The following ABCC10 variants were observed in gnomAD, a reference collection of about 807,000 sequenced individuals.
ABCC10 encodes ATP binding cassette subfamily C member 10.
A neutral mutation model predicts 143.2 loss-of-function variants in ABCC10; 110 were observed. The observed-to-expected ratio is 0.77, with a 90% CI of 0.66 to 0.90. The LOEUF (loss-of-function observed/expected upper bound fraction) is 0.90. Ranked by LOEUF, ABCC10 falls within the 40% of genes least tolerant of loss-of-function variation. ABCC10 has a pLI of 0.00. For missense variants in ABCC10, 1,700 were observed against 1,900.5 expected, an observed-to-expected ratio of 0.89 and a Z score of 1.96; for synonymous variants, 805 against 846.7, an observed-to-expected ratio of 0.95 and a Z score of 0.85.
chr6:43,437,784 A>G, intron 6 of ABCC10, 150 bp from the exon 7 acceptor site: 1 of 715,178 alleles, frequency 1.4e-6, no homozygotes. Flanking sequence ...TCAGCCTGTG[A>G]AGCGGAGAAT....
intron 2 of ABCC10, chr6:43,431,921 G>A (rs1781179167): frequency 7.2e-7 from 1 of 1,386,782 alleles, no homozygotes; most frequent in Non-Finnish European, 9.3e-7. Context: ...TTAGGTTCAG[G>A]TGGCCGGTTA....
Position 43,445,715 on chromosome 6 carries a change from C to T in ABCC10, c.3147C>T (p.Asn1049=), listed in dbSNP as rs375120841. ...TCATCCTCAACATCCTCCTGGCCAA[C>T]GCGGCAGGCCTGCTGGGGCTCCTGG... ...LPFILNILLA[N]AAGLLGLLAV... The change falls in exon 15 of 22, where the codon AAC becomes AAT. Residue 1049 remains asparagine (N), a synonymous_variant. Coordinates refer to ENST00000372530, the MANE Select transcript of ABCC10 (RefSeq NM_001198934.2). 3.9e-5 allele frequency: 63 copies of T among 1,614,228 alleles called. No individual in the cohort carries two copies. Among genetic ancestry groups the T allele is most frequent in the Middle Eastern group, 1.6e-4 (1 of 6,062 alleles).
chr6:43,447,548 G>A, intron 17 of ABCC10, 136 bp from the exon 18 acceptor site: 1 of 1,552,840 alleles, frequency 6.4e-7, no homozygotes. Flanking sequence ...TCTTCACCAT[G>A]TCCCTTCTTC....
In ABCC10 at chr6:43,443,405, G is replaced by T. The variant is rs1782692644; in HGVS notation, c.2416+246G>T. On this transcript the variant is annotated intron_variant, in intron 10 of 21. Transcript: ENST00000372530. This position sits in a 1 kb window ranked among gnomAD's most constrained non-coding sequence, Gnocchi z 4.2. ...TGCTCTTGGGAACTTAAAGGCCCAG[G>T]GTCTCTGAGAACATTCTCATATCTT... is the stretch of plus-strand genomic sequence containing the variant. The T allele has an allele frequency of 6.9e-6, 3 of 437,560 alleles. No individual in the cohort carries two copies. Among genetic ancestry groups the T allele is most frequent in the African/African-American group, 6.0e-5 (3 of 49,826 alleles). The allele number at this position is 437,560 out of a possible 1,614,324, so 27.1% of individuals were successfully genotyped here. A position where few individuals can be genotyped will look rare whatever the true frequency, so the allele number is the denominator to read the frequency against.
intron 16 of ABCC10, 90 bp downstream of exon 16, chr6:43,446,536 T>G: frequency 1.4e-6 from 2 of 1,474,346 alleles, no homozygotes; most frequent in Non-Finnish European, 1.8e-6. Flanking sequence ...CCCAACATTT[T>G]CACCTCCCAC....
chr6:43,439,251 C>T (rs976479192), intron 8 of ABCC10, among the ~76,000 whole-genome samples: 5 of 152,134 alleles, frequency 3.3e-5, no homozygotes, highest in African/African-American at 1.2e-4. Flanking sequence ...CCCTTGACTT[C>T]CCACCCAACC....
At chr6:43,432,030 C>A (rs141438097) in intron 2 of ABCC10, 112 bp from the exon 3 acceptor site, 664 of 1,495,526 alleles carry the variant, frequency 4.4e-4, no homozygotes, top group Non-Finnish European at 5.6e-4. Context: ...ATAAGATGTG[C>A]AAGGCAGGAA....
rs375815974 is a variant in ABCC10 at position 43,449,087 on chromosome 6, C to T, written c.4106-20C>T. 6.2e-6 allele frequency: 10 copies of T among 1,613,846 alleles called. No individual in the cohort carries two copies. Among genetic ancestry groups the T allele is most frequent in the African/African-American group, 5.3e-5 (4 of 74,928 alleles). ...AGCAGGGATGGCCTGGGCCCTGCAA[C>T]GAAGATGCTTTCCTTGCAGGTGGTC... On this transcript the variant is annotated intron_variant, in intron 19 of 21. Transcript: ENST00000372530.
chr6:43,450,344 G>C lies in ABCC10; in HGVS notation c.*253G>C. The stretch of plus-strand genomic sequence containing the variant: ...CGCCAGGTGGGTTTTTCTGGCATAG[G>C]AGCCCACTTGCATTTTCATAGTTTT... On this transcript the variant is annotated 3_prime_UTR_variant, in exon 22 of 22. Transcript: ENST00000372530. This position sits in a 1 kb window ranked among gnomAD's most constrained non-coding sequence, Gnocchi z 4.5. 1 of 903,218 alleles carries C rather than the reference G, an allele frequency of 1.1e-6. No homozygotes were observed. The allele number at this position is 903,218 out of a possible 1,614,324, so 56.0% of individuals were successfully genotyped here.
intron 21 of ABCC10, 80 bp from the exon 22 acceptor site, chr6:43,449,849 G>C: frequency 6.6e-7 from 1 of 1,513,416 alleles, no homozygotes; most frequent in Non-Finnish European, 9.0e-7. Context: ...GTCCCGAGGG[G>C]AGAGGAGGGA....
Position 43,445,630 on chromosome 6 carries a change from C to T in ABCC10, c.3062C>T (p.Thr1021Met), listed in dbSNP as rs200029525. The change falls in exon 15 of 22, where the codon ACG becomes ATG. Residue 1021 changes from threonine to methionine, a missense_variant. Physicochemically the swap from Thr to Met is moderately conservative, Grantham distance 81. Coordinates refer to ENST00000372530, the MANE Select transcript of ABCC10 (RefSeq NM_001198934.2). ...APVTFFNATP[T>M]GRILNRFSSD... ...GTGACTTTCTTCAATGCCACACCCA[C>T]GGGCCGGATCCTAAACCGCTTCTCC... is the stretch of plus-strand genomic sequence containing the variant. 3.0e-4 allele frequency: 484 copies of T among 1,613,200 alleles called. No homozygotes were observed. Among genetic ancestry groups the T allele is most frequent in the African/African-American group, 5.3e-5 (4 of 75,014 alleles).
At position 43,433,296 on chromosome 6, in the gene ABCC10, T is replaced by C; in HGVS notation, c.1316T>C (p.Val439Ala). The change falls in exon 3 of 22, where the codon GTG (valine) becomes GCG (alanine). Residue 439 changes from valine (V) to alanine (A), a missense_variant. By Grantham distance (64) the Val-to-Ala change is moderately conservative. Transcript: ENST00000372530. ...LALLLVPVNK[V>A]IATRIMASNQ... Reference sequence around the variant, plus strand: ...CTGCTGCTGGTACCCGTCAACAAAGTGATTGCCACCCGCATCATGGCCAGC... The same window carrying C: ...CTGCTGCTGGTACCCGTCAACAAAGCGATTGCCACCCGCATCATGGCCAGC... 1 of 1,614,010 alleles carries C rather than the reference T, an allele frequency of 6.2e-7. No homozygotes were observed. Among genetic ancestry groups the C allele is most frequent in the African/African-American group, 1.3e-5 (1 of 74,990 alleles).
At position 43,449,822 on chromosome 6, in the gene ABCC10, G is replaced by A; in HGVS notation, c.4317-107G>A. On this transcript the variant is annotated intron_variant, in intron 21 of 21. Transcript: ENST00000372530. ...CACCAAGCCAGGGGCTAAAGCCTGT[G>A]GGGACAGACCTGTGGTGTCCCGAGG... 7 of 1,332,712 alleles carry A rather than the reference G, an allele frequency of 5.3e-6. No individual in the cohort carries two copies. In the African/African-American group the frequency reaches 7.3e-5, roughly 14 times the overall value. 82.6% of individuals were successfully genotyped at this position (1,332,712 alleles called of 1,614,324 possible).
downstream of ABCC10, chr6:43,450,973 T>G (rs768111305): frequency 4.6e-5 from 74 of 1,614,060 alleles, no homozygotes; most frequent in Non-Finnish European, 9.3e-6. The surrounding 1 kb of genome is among the most constrained non-coding windows in gnomAD (Gnocchi z 4.5). Flanking sequence ...CCATAGCCAC[T>G]GGGGCAGAGG....
At position 43,444,864 on chromosome 6, in the gene ABCC10, G is replaced by T. The variant is rs768319377; in HGVS notation, c.2766G>T (p.Ala922=). ...QLKAENSSQE[A]QPSTSPASMG... Reference sequence around the variant, plus strand: ...AGGCTGAGAATAGCTCCCAGGAGGCGCAACCCTCCACCAGCCCAGCTTCTA... The same window carrying T: ...AGGCTGAGAATAGCTCCCAGGAGGCTCAACCCTCCACCAGCCCAGCTTCTA... The change falls in exon 13 of 22, where the codon GCG becomes GCT. Residue 922 remains alanine, a synonymous_variant. Transcript: ENST00000372530. The T allele has an allele frequency of 2.5e-6, 4 of 1,613,944 alleles. No individual in the cohort carries two copies. Among genetic ancestry groups the T allele is most frequent in the Non-Finnish European group, 3.4e-6 (4 of 1,179,906 alleles).
rs1177840085 is a variant in ABCC10 at position 43,428,008 on chromosome 6, C to T, written c.30C>T (p.Gly10=). 1.9e-6 allele frequency: 3 copies of T among 1,610,680 alleles called. No individual in the cohort carries two copies. The highest frequency in any genetic ancestry group is 2.5e-6 in the Non-Finnish European group (3 of 1,179,118). Residue 10 remains glycine, a synonymous_variant, in exon 2 of 22, where the codon GGC becomes GGT. Transcript: ENST00000372530. ...AACGACTTCTGGCCCAGCTGTGCGGCAGCAGCGCAGCGTGGCCGCTCCCGC... is the reference window on the plus strand; with the variant it reads ...AACGACTTCTGGCCCAGCTGTGCGGTAGCAGCGCAGCGTGGCCGCTCCCGC... MERLLAQLC[G]SSAAWPLPLW... is the part of the protein sequence containing the mutation.
At position 43,444,185 on chromosome 6, in the gene ABCC10, G is replaced by T; in HGVS notation, c.2521G>T (p.Glu841Ter). Residue 841 changes from glutamate to a stop codon, truncating the protein, a stop_gained, in exon 12 of 22, where the codon GAG becomes TAG. Coordinates refer to ENST00000372530, the MANE Select transcript of ABCC10 (RefSeq NM_001198934.2). LOFTEE classifies it high-confidence loss of function. ...SATAQSVQNPEKTKEGLEEEQ... is the reference protein window; with the variant it reads ...SATAQSVQNP The stretch of plus-strand genomic sequence containing the variant: ...CACAGCCCAGTCAGTACAGAACCCA[G>T]AGAAAACAAAGGAGGGGCTGGAGGA... 1 of 1,613,852 alleles carries T rather than the reference G, an allele frequency of 6.2e-7. No individual in the cohort carries two copies. The highest frequency in any genetic ancestry group is 1.1e-5 in the South Asian group (1 of 91,038).
In ABCC10 at chr6:43,445,895, T is replaced by TA; in HGVS notation, c.3328dup (p.Thr1110AsnfsTer18). 1 of 1,613,670 alleles carries TA rather than the reference T, an allele frequency of 6.2e-7. No individual in the cohort carries two copies. Among genetic ancestry groups the TA allele is most frequent in the Non-Finnish European group, 8.5e-7 (1 of 1,179,808 alleles). On this transcript the variant is annotated frameshift_variant, in exon 15 of 22. Transcript: ENST00000372530. LOFTEE classifies it high-confidence loss of function. ...CTCCACTGTATAGCCATCTGGCCGA[T>TA]ACCTTGGCTGGCCTCTCTGTGCTCC...
At chr6:43,429,215 G>A (rs143577327) in intron 2 of ABCC10, among the ~76,000 whole-genome samples, 31 of 131,948 alleles carry the variant, frequency 2.3e-4, no homozygotes, top group Non-Finnish European at 4.3e-4. Flanking sequence ...ATTCAGAGAG[G>A]AAAAGAGACT....
Sources: allele counts gnomAD v4.1 joint callset (sites outside exome capture counted in the v4.1 genomes callset), GRCh38; gene constraint gnomAD v4.1.1; non-coding constraint Gnocchi (gnomAD v3.1); transcripts MANE v1.5; gene names NCBI Gene and HGNC (gene_info 2026-07-23, HGNC 2026-07-21).